Variants in ARMH4 observed in about 807,000 individuals in gnomAD.
The protein encoded by ARMH4 is armadillo like helical domain containing 4.
A neutral mutation model predicts 61.9 loss-of-function variants in ARMH4; 49 were observed. The observed-to-expected ratio is 0.79, with a 90% CI of 0.63 to 1.00. ARMH4 has a LOEUF of 1.00. Ranked by LOEUF, ARMH4 falls within the 50% of genes least tolerant of loss-of-function variation. ARMH4 has a pLI of 0.00. For synonymous variants in ARMH4, 368 were observed against 341.5 expected (o/e 1.08, Z -0.85); for missense variants, 934 against 930.0 (o/e 1.00, Z -0.06).
intron 3 of ARMH4, among the ~76,000 whole-genome samples, chr14:58,132,509 C>G (rs1005184129): frequency 2.7e-5 from 4 of 150,814 alleles, no homozygotes; most frequent in African/African-American, 7.3e-5. Context: ...AGAGCCTTCT[C>G]AGGGGGTCTG....
At chr14:58,126,769 A>G (rs911638526) in intron 4 of ARMH4, among the ~76,000 whole-genome samples, 1 of 151,958 alleles carries the variant, frequency 6.6e-6, no homozygotes, top group African/African-American at 2.4e-5. Flanking sequence ...AAATTAAGTT[A>G]TTAAAGAAAG....
At chr14:58,007,523 T>C (rs1034667352) in intron 6 of ARMH4, among the ~76,000 whole-genome samples, 33 of 152,326 alleles carry the variant, frequency 2.2e-4, no homozygotes, top group African/African-American at 7.0e-4. Flanking sequence ...TTTTCTTTTT[T>C]GGTGGCATCT....
At chr14:58,029,979 C>G (rs559813163) in intron 5 of ARMH4, among the ~76,000 whole-genome samples, 6 of 152,264 alleles carry the variant, frequency 3.9e-5, no homozygotes, top group African/African-American at 1.4e-4. Context: ...GATTGATAAA[C>G]AAAATGCGGT....
intron 4 of ARMH4, among the ~76,000 whole-genome samples, chr14:58,117,742 A>G (rs757203228): frequency 1.3e-5 from 2 of 152,066 alleles, no homozygotes; most frequent in Non-Finnish European, 2.9e-5. Flanking sequence ...TATGTCGTGT[A>G]TATGTTTCAA....
intron 5 of ARMH4, among the ~76,000 whole-genome samples, chr14:58,015,497 C>T (rs1392093439): frequency 2.0e-5 from 3 of 152,138 alleles, no homozygotes; most frequent in Non-Finnish European, 4.4e-5. Flanking sequence ...CCGCCAGGGT[C>T]CTCTGCATAG....
intron 5 of ARMH4, among the ~76,000 whole-genome samples, chr14:58,025,852 C>A (rs1001556672): frequency 2.0e-5 from 3 of 152,006 alleles, no homozygotes; most frequent in Non-Finnish European, 2.9e-5. Context: ...AATAGAATGA[C>A]CCACTTCTTT....
At chr14:58,117,913 C>T (rs1040994295) in intron 4 of ARMH4, among the ~76,000 whole-genome samples, 1 of 145,850 alleles carries the variant, frequency 6.9e-6, no homozygotes, top group Non-Finnish European at 1.5e-5. Flanking sequence ...TACATGCCAC[C>T]ACACCCAGCT....
rs571660310 is a variant in ARMH4 at position 58,017,041 on chromosome 14, C to T, written c.2090-4891G>A. On this transcript the variant is annotated intron_variant, in intron 5 of 7. Coordinates refer to ENST00000267485, the MANE Select transcript of ARMH4 (RefSeq NM_001001872.4). Reference sequence around the variant, plus strand: ...TTATAAAGGAAGAACTTTGGCTGGGCACAGTGGCTCACACCTGTAATCCCA... The same window carrying T: ...TTATAAAGGAAGAACTTTGGCTGGGTACAGTGGCTCACACCTGTAATCCCA... Among the ~76,000 whole-genome samples, 3 of 152,324 alleles carry T rather than the reference C, an allele frequency of 2.0e-5. No homozygotes were observed. The East Asian group carries it at 5.8e-4, about 29-fold the overall frequency.
intron 5 of ARMH4, among the ~76,000 whole-genome samples, chr14:58,091,745 TGAACCTG>T (rs919468816): frequency 6.6e-6 from 1 of 152,206 alleles, no homozygotes; most frequent in African/African-American, 2.4e-5. Flanking sequence ...AATCTGAAAA[TGAACCTG>T]TTAGATGAAA....
At chr14:58,123,579 C>G (rs181874381) in intron 4 of ARMH4, among the ~76,000 whole-genome samples, 1 of 152,278 alleles carries the variant, frequency 6.6e-6, no homozygotes, top group Admixed American at 6.5e-5. Context: ...TGTACCTAAC[C>G]CTCATACTCT....
chr14:58,118,787 T>A (rs1886621154), intron 4 of ARMH4, among the ~76,000 whole-genome samples: 1 of 152,198 alleles, frequency 6.6e-6, no homozygotes, highest in Non-Finnish European at 1.5e-5. Flanking sequence ...TCCCTTAGGT[T>A]TGAGCCAGGT....
At chr14:58,048,796 G>A (rs1884025404) in intron 5 of ARMH4, among the ~76,000 whole-genome samples, 1 of 152,182 alleles carries the variant, frequency 6.6e-6, no homozygotes, top group South Asian at 2.1e-4. Flanking sequence ...CATTGAGTGT[G>A]AAGTGAGAAA....
intron 5 of ARMH4, among the ~76,000 whole-genome samples, chr14:58,063,079 G>C (rs1884583852): frequency 6.6e-6 from 1 of 152,182 alleles, no homozygotes; most frequent in South Asian, 2.1e-4. Flanking sequence ...TCTAGAGGAG[G>C]TAGAGGAGGG....
chr14:58,039,953 C>A (rs1239840323), intron 5 of ARMH4, among the ~76,000 whole-genome samples: 2 of 151,894 alleles, frequency 1.3e-5, no homozygotes, highest in Non-Finnish European at 2.9e-5. Context: ...CCCTACTCTC[C>A]ACTCCTTCCA....
chr14:58,128,104 T>A (rs1247826601), intron 4 of ARMH4, among the ~76,000 whole-genome samples: 1 of 152,198 alleles, frequency 6.6e-6, no homozygotes, highest in East Asian at 1.9e-4. Flanking sequence ...AAAATAAAAG[T>A]TTGATTTATT....
chr14:58,143,201 T>C (rs930345379), intron 1 of ARMH4, among the ~76,000 whole-genome samples: 6 of 152,090 alleles, frequency 3.9e-5, no homozygotes, highest in East Asian at 3.8e-4. Flanking sequence ...AAATCTTGAG[T>C]CCACAATGCT....
intron 4 of ARMH4, among the ~76,000 whole-genome samples, chr14:58,108,775 G>C (rs1167151124): frequency 6.6e-6 from 1 of 152,160 alleles, no homozygotes; most frequent in Non-Finnish European, 1.5e-5. Flanking sequence ...GGAATTGCTA[G>C]GTTAAAAGGA....
chr14:58,054,251 G>T (rs190893506), intron 5 of ARMH4, among the ~76,000 whole-genome samples: 5 of 152,256 alleles, frequency 3.3e-5, no homozygotes, highest in Middle Eastern at 3.4e-3. Flanking sequence ...CAGGTTTTGT[G>T]TGAATGATCA....
chr14:58,085,617 A>C lies in ARMH4; in HGVS notation c.2089+11107T>G, dbSNP rs1594748075. Among the ~76,000 whole-genome samples the C allele has an allele frequency of 4.6e-5, 7 of 152,296 alleles. No homozygotes were observed. The South Asian group carries it at 1.4e-3, about 32-fold the overall frequency. On this transcript the variant is annotated intron_variant, in intron 5 of 7. Transcript: ENST00000267485. Reference sequence around the variant, plus strand: ...TAAGAAATGCATTTGTAATAAAAGAAATGTGATTTTTTCCAATTCTCTAAT... The same window carrying C: ...TAAGAAATGCATTTGTAATAAAAGACATGTGATTTTTTCCAATTCTCTAAT...
Sources: gnomAD v4.1 joint callset for allele counts (sites outside exome capture counted in the v4.1 genomes callset) on GRCh38, gnomAD v4.1.1 for gene constraint, MANE v1.5 for transcripts, NCBI Gene and HGNC (gene_info 2026-07-23, HGNC 2026-07-21) for gene names.